The following C9orf50 variants were observed in gnomAD, a reference collection of about 807,000 sequenced individuals.
The protein encoded by C9orf50 is uncharacterized protein C9orf50.
In C9orf50, 33 loss-of-function variants were observed where a neutral mutation model predicts 42.5. The observed-to-expected ratio is 0.78, with a 90% CI of 0.59 to 1.04. C9orf50 has a LOEUF of 1.04. Ranked by LOEUF, C9orf50 falls within the 50% of genes least tolerant of loss-of-function variation. The pLI is 0.00. For synonymous variants in C9orf50, 257 were observed against 273.4 expected (o/e 0.94, Z 0.59); for missense variants, 547 against 594.3 (o/e 0.92, Z 0.83).
intron 3 of C9orf50, among the ~76,000 whole-genome samples, chr9:129,616,924 A>T (rs1830418169): frequency 6.6e-6 from 1 of 152,178 alleles, no homozygotes. Flanking sequence ...ATACAAAAAA[A>T]TTAGCTGGGC....
intron 3 of C9orf50, among the ~76,000 whole-genome samples, chr9:129,617,381 C>T (rs1466432106): frequency 6.6e-6 from 1 of 152,238 alleles, no homozygotes; most frequent in Non-Finnish European, 1.5e-5. Context: ...CAGGCAAAGG[C>T]ATAACCCAGC....
upstream of C9orf50, chr9:129,620,816 C>T (rs112215475): frequency 9.5e-3 from 3,668 of 384,184 alleles, 111 homozygotes; most frequent in East Asian, 0.079. The surrounding 1 kb of genome is among the most constrained non-coding windows in gnomAD (Gnocchi z 5.8). Context: ...GTTGCTGTGA[C>T]GTTTAAATGA....
intron 3 of C9orf50, 147 bp from the exon 4 acceptor site, chr9:129,615,794 T>A: frequency 1.1e-6 from 1 of 913,550 alleles, no homozygotes; most frequent in Non-Finnish European, 1.5e-6. Flanking sequence ...CAGCCGGCCT[T>A]AACGGAGCAC....
At chr9:129,612,854 A>G (rs1830156736) in intron 6 of C9orf50, among the ~76,000 whole-genome samples, 1 of 152,004 alleles carries the variant, frequency 6.6e-6, no homozygotes, top group Non-Finnish European at 1.5e-5. Context: ...AGGAGAGGGG[A>G]GGGGAGGGGA....
At chr9:129,617,065 CA>C (rs35142253) in intron 3 of C9orf50, among the ~76,000 whole-genome samples, 44 of 138,664 alleles carry the variant, frequency 3.2e-4, no homozygotes, top group Non-Finnish European at 3.7e-4. Flanking sequence ...GACTTCGTCT[CA>C]AAAAAAAAGA....
At chr9:129,617,205 G>A (rs898567309) in intron 3 of C9orf50, among the ~76,000 whole-genome samples, 1 of 152,222 alleles carries the variant, frequency 6.6e-6, no homozygotes, top group African/African-American at 2.4e-5. Context: ...CCATTCATCT[G>A]ACCACATCTG....
intron 3 of C9orf50, among the ~76,000 whole-genome samples, chr9:129,618,884 T>G (rs1405391987): frequency 2.9e-5 from 4 of 140,160 alleles, no homozygotes; most frequent in Non-Finnish European, 4.7e-5. Flanking sequence ...TTTTTTTTTT[T>G]TGTATATTTT....
At chr9:129,621,043 T>C (rs967282389), upstream of C9orf50, among the ~76,000 whole-genome samples, 1 of 152,222 alleles carries the variant, frequency 6.6e-6, no homozygotes, top group African/African-American at 2.4e-5. Context: ...ATGGGGATAA[T>C]AGCAGCACCT....
Position 129,620,677 on chromosome 9 carries a change from G to A in C9orf50, c.-103C>T. On this transcript the variant is annotated 5_prime_UTR_variant, in exon 1 of 7. Transcript: ENST00000372478. The surrounding 1 kb of genome is among the most constrained non-coding windows in gnomAD (Gnocchi z 5.8). The stretch of plus-strand genomic sequence containing the variant: ...TCCAGCCCCAGGCCATAGTGCCCCG[G>A]GCGGGGCAGCGCGGTGCGGGGTGAA... The A allele has an allele frequency of 9.1e-7, 1 of 1,095,892 alleles. No homozygotes were observed. Among genetic ancestry groups the A allele is most frequent in the Non-Finnish European group, 1.2e-6 (1 of 863,120 alleles). 67.9% of individuals were successfully genotyped at this position (1,095,892 alleles called of 1,614,324 possible). A position where few individuals can be genotyped will look rare whatever the true frequency, so the allele number is the denominator to read the frequency against.
rs1412464186 is a variant in C9orf50, at chr9:129,620,676, G to C, written c.-102C>G. On this transcript the variant is annotated 5_prime_UTR_variant, in exon 1 of 7. Coordinates refer to ENST00000372478, the Ensembl canonical transcript of C9orf50. The surrounding 1 kb of genome is among the most constrained non-coding windows in gnomAD (Gnocchi z 5.8). ...GTCCAGCCCCAGGCCATAGTGCCCC[G>C]GGCGGGGCAGCGCGGTGCGGGGTGA... 6 of 1,112,278 alleles carry C rather than the reference G, an allele frequency of 5.4e-6. No individual in the cohort carries two copies. Among genetic ancestry groups the C allele is most frequent in the African/African-American group, 1.6e-5 (1 of 62,014 alleles). 68.9% of individuals were successfully genotyped at this position (1,112,278 alleles called of 1,614,324 possible).
Position 129,613,385 on chromosome 9 carries a change from G to A in C9orf50, c.1043+50C>T. On this transcript the variant is annotated intron_variant, in intron 5 of 6. Transcript: ENST00000372478. The surrounding 1 kb of genome is among the most constrained non-coding windows in gnomAD (Gnocchi z 6.2). The stretch of plus-strand genomic sequence containing the variant: ...GGGAGGTCTGTAGGCAAGGGGGGTG[G>A]AGGGCCCTGGCAATGTCCACGAGTC... 6.3e-7 allele frequency: 1 copy of A among 1,599,192 alleles called. No individual in the cohort carries two copies. Among genetic ancestry groups the A allele is most frequent in the Non-Finnish European group, 8.5e-7 (1 of 1,170,552 alleles).
chr9:129,618,804 C>T (rs1205587626), intron 3 of C9orf50, among the ~76,000 whole-genome samples: 2 of 151,872 alleles, frequency 1.3e-5, no homozygotes, highest in Non-Finnish European at 2.9e-5. Flanking sequence ...ACCATTCTCT[C>T]GCCTCAGCCT....
At position 129,613,756 on chromosome 9, in the gene C9orf50, G is replaced by C. The variant is rs1415350466; in HGVS notation, c.881-159C>G. 6.6e-6 allele frequency among the ~76,000 whole-genome samples: 1 copy of C among 152,172 alleles called. No individual in the cohort carries two copies. The highest frequency in any genetic ancestry group is 2.4e-5 in the African/African-American group (1 of 41,438). Reference sequence around the variant, plus strand: ...TTCTGGCTGCCTCCAGAGAAGCCTTGGGTTTTAAAACCACCTTGCGTGACC... The same window carrying C: ...TTCTGGCTGCCTCCAGAGAAGCCTTCGGTTTTAAAACCACCTTGCGTGACC... On this transcript the variant is annotated intron_variant, in intron 4 of 6. Transcript: ENST00000372478. This position sits in a 1 kb window ranked among gnomAD's most constrained non-coding sequence, Gnocchi z 6.2.
Position 129,620,713 on chromosome 9 carries a change from CCGG to C in C9orf50, c.-142_-140del. 1 of 746,216 alleles carries C rather than the reference CCGG, an allele frequency of 1.3e-6. No homozygotes were observed. The highest frequency in any genetic ancestry group is 1.8e-6 in the Non-Finnish European group (1 of 545,370). 46.2% of individuals were successfully genotyped at this position (746,216 alleles called of 1,614,324 possible). On this transcript the variant is annotated 5_prime_UTR_variant, in exon 1 of 7. Transcript: ENST00000372478. This position sits in a 1 kb window ranked among gnomAD's most constrained non-coding sequence, Gnocchi z 5.8. ...GCGGTGCGGGGTGAACGCCACCGGC[CCGG>C]CGGACAGCGAGTGGCTTCAGGCGAG...
intron 3 of C9orf50, 64 bp from the exon 4 acceptor site, chr9:129,615,711 G>A: frequency 1.4e-6 from 2 of 1,451,762 alleles, no homozygotes; most frequent in Non-Finnish European, 1.8e-6. Flanking sequence ...ACACGCACCA[G>A]CCCCAGACTC....
intron 3 of C9orf50, among the ~76,000 whole-genome samples, chr9:129,619,199 G>C (rs780715423): frequency 2.6e-5 from 4 of 152,308 alleles, no homozygotes; most frequent in Non-Finnish European, 5.9e-5. Flanking sequence ...TCATGAACGG[G>C]TTGTAGAAGA....
intron 3 of C9orf50, among the ~76,000 whole-genome samples, chr9:129,618,261 A>G (rs1219562205): frequency 6.6e-6 from 1 of 152,200 alleles, no homozygotes; most frequent in Admixed American, 6.6e-5. Flanking sequence ...TGTTAAAACT[A>G]TGGTGTCTAG....
exon 4 of C9orf50, chr9:129,615,599 G>T: frequency 1.2e-6 from 2 of 1,604,146 alleles, no homozygotes; most frequent in Admixed American, 1.7e-5. Flanking sequence ...CCGAGGGGTT[G>T]TGGGTCAGCG....
Position 129,613,463 on chromosome 9 carries a change from T to C in C9orf50, c.1015A>G (p.Ser339Gly), listed in dbSNP as rs1830188658. Residue 339 changes from serine to glycine, a missense_variant, in exon 5 of 7, where the codon AGC (serine) becomes GGC (glycine). Transcript: ENST00000372478. The surrounding 1 kb of genome is among the most constrained non-coding windows in gnomAD (Gnocchi z 6.2). Reference sequence around the variant, plus strand: ...CCAGCGCAGTCCCAACACGAGGAGCTGGCCAGGGTCTCCTCCTTGGCCCCA... The same window carrying C: ...CCAGCGCAGTCCCAACACGAGGAGCCGGCCAGGGTCTCCTCCTTGGCCCCA... The C allele has an allele frequency of 5.6e-6, 9 of 1,614,034 alleles. No individual in the cohort carries two copies. Among genetic ancestry groups the C allele is most frequent in the Non-Finnish European group, 7.6e-6 (9 of 1,180,000 alleles).
Sources: gnomAD v4.1 joint callset for allele counts (sites outside exome capture counted in the v4.1 genomes callset) on GRCh38, gnomAD v4.1.1 for gene constraint, Gnocchi (gnomAD v3.1) non-coding constraint, MANE v1.5 for transcripts, NCBI Gene and HGNC (gene_info 2026-07-23, HGNC 2026-07-21) for gene names.